Variants in NYAP2 observed in about 807,000 individuals in gnomAD.
The protein encoded by NYAP2 is neuronal tyrosine-phosphorylated phosphoinositide-3-kinase adaptor 2.
A neutral mutation model predicts 50.4 loss-of-function variants in NYAP2; 23 were observed. That is an observed-to-expected ratio of 0.46 (90% CI 0.33 to 0.65). The LOEUF (loss-of-function observed/expected upper bound fraction) is 0.65. NYAP2 is among the 30% of genes least tolerant of loss of function. NYAP2 has a pLI of 0.02. For missense variants in NYAP2, 885 were observed against 861.0 expected (o/e 1.03, Z -0.35); for synonymous variants, 394 against 365.2 (o/e 1.08, Z -0.90).
the NYAP2 span, among the ~76,000 whole-genome samples, chr2:225,683,762 T>C: frequency 1.3e-5 from 2 of 152,112 alleles, no homozygotes; most frequent in African/African-American, 4.8e-5. Context: ...ATGGAAAATA[T>C]AAAAGCAGCA....
At chr2:225,484,786 T>C (rs2106167177) in intron 3 of NYAP2, among the ~76,000 whole-genome samples, 1 of 152,386 alleles carries the variant, frequency 6.6e-6, no homozygotes, top group Non-Finnish European at 1.5e-5. Context: ...GAAATCAAAG[T>C]TGATTGGCCT....
chr2:225,531,627 A>G (rs1045126227), intron 4 of NYAP2, among the ~76,000 whole-genome samples: 2 of 152,228 alleles, frequency 1.3e-5, no homozygotes, highest in Non-Finnish European at 2.9e-5. Context: ...TCAGGAGACT[A>G]ATTACTATGA....
At chr2:225,625,467 G>A (rs1693192869) in intron 5 of NYAP2, among the ~76,000 whole-genome samples, 1 of 152,208 alleles carries the variant, frequency 6.6e-6, no homozygotes, top group African/African-American at 2.4e-5. Flanking sequence ...GGTCAGTGCA[G>A]AGATGACCAT....
chr2:225,531,244 A>C (rs141074241), intron 4 of NYAP2, among the ~76,000 whole-genome samples: 1 of 152,278 alleles, frequency 6.6e-6, no homozygotes, highest in East Asian at 1.9e-4. Flanking sequence ...TACTCCAGAC[A>C]AACCATGCTT....
chr2:225,510,309 T>G (rs929710917), intron 3 of NYAP2, among the ~76,000 whole-genome samples: 1 of 152,186 alleles, frequency 6.6e-6, no homozygotes, highest in Non-Finnish European at 1.5e-5. Flanking sequence ...ATATATCTAC[T>G]CATTAATGGC....
intron 5 of NYAP2, among the ~76,000 whole-genome samples, chr2:225,594,341 T>TG (rs1427610607): frequency 6.6e-6 from 1 of 152,012 alleles, no homozygotes; most frequent in Non-Finnish European, 1.5e-5. Flanking sequence ...CTGGCCAACG[T>TG]GGTGAAACCC....
At chr2:225,634,152 G>A (rs1041978281) in intron 6 of NYAP2, among the ~76,000 whole-genome samples, 1 of 152,156 alleles carries the variant, frequency 6.6e-6, no homozygotes, top group South Asian at 2.1e-4. Flanking sequence ...AGAAATAGAG[G>A]TTTAGAATTC....
chr2:225,635,119 C>G (rs2106262411), intron 6 of NYAP2, among the ~76,000 whole-genome samples: 1 of 152,316 alleles, frequency 6.6e-6, no homozygotes, highest in Admixed American at 6.5e-5. Context: ...GCTTCAGCCT[C>G]CATATCCAAG....
At chr2:225,432,001 G>T (rs563368516) in intron 3 of NYAP2, among the ~76,000 whole-genome samples, 238 of 151,980 alleles carry the variant, frequency 1.6e-3, no homozygotes, top group Admixed American at 3.5e-3. Context: ...ATGGAGTCTC[G>T]CTCTGTCACC....
At chr2:225,566,135 C>A (rs573304621) in intron 4 of NYAP2, among the ~76,000 whole-genome samples, 1 of 151,928 alleles carries the variant, frequency 6.6e-6, no homozygotes, top group South Asian at 2.1e-4. Flanking sequence ...TGAAATAATC[C>A]CCCCAAAGCG....
intron 5 of NYAP2, among the ~76,000 whole-genome samples, chr2:225,609,124 A>G (rs1481996948): frequency 2.0e-5 from 3 of 152,092 alleles, no homozygotes; most frequent in African/African-American, 4.8e-5. Context: ...CTCTCCTACT[A>G]GATTGCAAAC....
intron 3 of NYAP2, among the ~76,000 whole-genome samples, chr2:225,479,754 G>A (rs1002265914): frequency 3.9e-5 from 6 of 151,948 alleles, no homozygotes; most frequent in African/African-American, 9.7e-5. Context: ...AACTTCAGAC[G>A]ATTCAGAGGT....
At chr2:225,505,200 A>G (rs1315896942) in intron 3 of NYAP2, among the ~76,000 whole-genome samples, 2 of 152,130 alleles carry the variant, frequency 1.3e-5, no homozygotes, top group African/African-American at 4.8e-5. Context: ...TGACCTTCAT[A>G]TCCGAGAAGT....
chr2:225,575,147 A>C (rs1338526654), intron 4 of NYAP2, among the ~76,000 whole-genome samples: 1 of 152,134 alleles, frequency 6.6e-6, no homozygotes, highest in East Asian at 1.9e-4. Context: ...TATATTCTGC[A>C]TTACGACAGG....
At chr2:225,462,064 T>C (rs1202235818) in intron 3 of NYAP2, among the ~76,000 whole-genome samples, 1 of 152,198 alleles carries the variant, frequency 6.6e-6, no homozygotes, top group Non-Finnish European at 1.5e-5. Flanking sequence ...CTGTATGTCA[T>C]ATAAAGAAAT....
chr2:225,639,192 A>G lies in NYAP2; in HGVS notation c.1828+12066A>G, dbSNP rs532955952. On this transcript the variant is annotated intron_variant, in intron 6 of 6. Transcript: ENST00000636099. ...AAAATAATACAGTTTTCTGATGCATATAAGATCCTGTATGTTCAAACAAAC... is the reference window on the plus strand; with the variant it reads ...AAAATAATACAGTTTTCTGATGCATGTAAGATCCTGTATGTTCAAACAAAC... Among the ~76,000 whole-genome samples the G allele has an allele frequency of 1.5e-4, 23 of 152,322 alleles. No individual in the cohort carries two copies. The East Asian group carries it at 4.2e-3, about 28-fold the overall frequency.
chr2:225,479,256 T>A (rs773932439), intron 3 of NYAP2, among the ~76,000 whole-genome samples: 3 of 152,170 alleles, frequency 2.0e-5, no homozygotes, highest in Non-Finnish European at 2.9e-5. Flanking sequence ...ACCAAATCCA[T>A]CCCTTTGAAT....
chr2:225,631,689 T>C (rs1283234599), intron 6 of NYAP2, among the ~76,000 whole-genome samples: 1 of 152,228 alleles, frequency 6.6e-6, no homozygotes, highest in African/African-American at 2.4e-5. Context: ...TGTTGTTAGC[T>C]TTTATTTTTC....
At chr2:225,501,800 A>G (rs1040957918) in intron 3 of NYAP2, among the ~76,000 whole-genome samples, 1 of 152,146 alleles carries the variant, frequency 6.6e-6, no homozygotes, top group Non-Finnish European at 1.5e-5. Context: ...CTCTTCCACT[A>G]TCTCTACCCA....
Sources: gnomAD v4.1 joint callset for allele counts (sites outside exome capture counted in the v4.1 genomes callset) on GRCh38, gnomAD v4.1.1 for gene constraint, MANE v1.5 for transcripts, NCBI Gene and HGNC (gene_info 2026-07-23, HGNC 2026-07-21) for gene names.